The following CNBD1 variants were observed in gnomAD, a reference collection of about 807,000 sequenced individuals.
The protein encoded by CNBD1 is cyclic nucleotide-binding domain-containing protein 1.
In CNBD1, 71 loss-of-function variants were observed where a neutral mutation model predicts 54.4. That is an observed-to-expected ratio of 1.30 (90% CI 1.08 to 1.59). The LOEUF is 1.59. CNBD1 is among the 40% of genes most tolerant of loss of function. CNBD1 has a pLI of 0.00. For synonymous variants in CNBD1, 182 were observed against 170.7 expected (o/e 1.07, Z -0.51); for missense variants, 659 against 518.0 (o/e 1.27, Z -2.64).
chr8:87,302,742 A>G lies in CNBD1; in HGVS notation c.1042+16071A>G, dbSNP rs1353416644. 7.6e-4 allele frequency among the ~76,000 whole-genome samples: 116 copies of G among 151,724 alleles called. 1 individual carries two copies. Among genetic ancestry groups the G allele is most frequent in the African/African-American group, 2.7e-3 (111 of 41,472 alleles). The stretch of plus-strand genomic sequence containing the variant: ...GATTGTATATTTAGAAAACCCCATC[A>G]TCTCAGCCCAAAATCTCCTTAAGCT... On this transcript the variant is annotated intron_variant, in intron 8 of 10. Coordinates refer to ENST00000518476, the MANE Select transcript of CNBD1 (RefSeq NM_173538.3).
intron 6 of CNBD1, among the ~76,000 whole-genome samples, chr8:87,277,970 A>C (rs1228354975): frequency 1.3e-5 from 2 of 151,692 alleles, no homozygotes; most frequent in East Asian, 3.9e-4. Flanking sequence ...CATATCTGAC[A>C]ATGAAAGAAA....
At chr8:87,394,337 A>T (rs1811371409) in intron 2 of CNBD1, among the ~76,000 whole-genome samples, 1 of 151,944 alleles carries the variant, frequency 6.6e-6, no homozygotes, top group Non-Finnish European at 1.5e-5. Context: ...GAAGCAGAAT[A>T]GTTCAACTTC....
At chr8:87,392,380 A>G (rs566288922) in intron 2 of CNBD1, among the ~76,000 whole-genome samples, 22 of 152,054 alleles carry the variant, frequency 1.4e-4, no homozygotes, top group Admixed American at 9.2e-4. Flanking sequence ...AGCATTATTC[A>G]TAATAGCCAA....
At chr8:86,926,260 A>T (rs1809358867) in intron 3 of CNBD1, among the ~76,000 whole-genome samples, 1 of 152,092 alleles carries the variant, frequency 6.6e-6, no homozygotes, top group Non-Finnish European at 1.5e-5. Flanking sequence ...TGCTCTAGCT[A>T]CTTCCTGCTG....
intron 4 of CNBD1, among the ~76,000 whole-genome samples, chr8:87,142,178 G>A (rs1413124919): frequency 6.6e-6 from 1 of 152,124 alleles, no homozygotes; most frequent in Admixed American, 6.6e-5. Flanking sequence ...TGAAAAGAAG[G>A]TTGTGTTTGG....
At chr8:86,882,374 C>T (rs548418080) in intron 1 of CNBD1, among the ~76,000 whole-genome samples, 2 of 152,228 alleles carry the variant, frequency 1.3e-5, no homozygotes, top group East Asian at 1.9e-4. Flanking sequence ...CATGAACAGA[C>T]ATTTCTCAAA....
intron 5 of CNBD1, among the ~76,000 whole-genome samples, chr8:87,225,834 C>T (rs965762960): frequency 6.8e-6 from 1 of 146,066 alleles, no homozygotes; most frequent in Admixed American, 6.7e-5. Flanking sequence ...CCTCCTTGTA[C>T]CTCTGGTAGA....
intron 6 of CNBD1, among the ~76,000 whole-genome samples, chr8:87,270,103 A>C (rs975623858): frequency 1.3e-5 from 2 of 152,054 alleles, no homozygotes; most frequent in African/African-American, 4.8e-5. Context: ...GACTATCTCA[A>C]CATACACAAA....
intron 4 of CNBD1, among the ~76,000 whole-genome samples, chr8:87,159,371 C>T (rs548882456): frequency 6.6e-6 from 1 of 152,054 alleles, no homozygotes; most frequent in Admixed American, 6.6e-5. Context: ...GGGGCTGATT[C>T]AGATATTCTT....
intron 4 of CNBD1, among the ~76,000 whole-genome samples, chr8:87,071,321 A>G (rs1388656579): frequency 1.3e-5 from 2 of 152,122 alleles, no homozygotes; most frequent in Non-Finnish European, 2.9e-5. Context: ...ACATGTGGCA[A>G]TGGAGCCTCA....
intron 4 of CNBD1, among the ~76,000 whole-genome samples, chr8:87,018,627 CTT>C (rs1395059482): frequency 6.6e-6 from 1 of 152,102 alleles, no homozygotes; most frequent in Non-Finnish European, 1.5e-5. Flanking sequence ...TTATTTATCT[CTT>C]TTTGTTTTAC....
chr8:87,384,767 G>T (rs555718324), downstream of CNBD1, among the ~76,000 whole-genome samples: 176 of 152,200 alleles, frequency 1.2e-3, 1 homozygote, highest in Non-Finnish European at 1.8e-3. Flanking sequence ...TGAAGGAAGT[G>T]AAAGGTCAAT....
chr8:87,427,897 T>A (rs1277458568), intron 2 of CNBD1, among the ~76,000 whole-genome samples: 7 of 152,148 alleles, frequency 4.6e-5, no homozygotes, highest in African/African-American at 1.7e-4. Context: ...TTGGCCATCC[T>A]AGGTTGTTTT....
chr8:87,248,206 T>C (rs1807845805), intron 6 of CNBD1, among the ~76,000 whole-genome samples: 1 of 152,210 alleles, frequency 6.6e-6, no homozygotes, highest in Admixed American at 6.5e-5. Context: ...TTGTGTACCA[T>C]GGTGACTCAT....
intron 3 of CNBD1, among the ~76,000 whole-genome samples, chr8:86,930,727 C>T (rs1281980622): frequency 2.0e-5 from 3 of 152,208 alleles, no homozygotes; most frequent in African/African-American, 7.2e-5. Context: ...AGATTTTGCA[C>T]TAGTCTCCAT....
intron 10 of CNBD1, among the ~76,000 whole-genome samples, chr8:87,379,320 A>G (rs1811024064): frequency 6.6e-6 from 1 of 151,932 alleles, no homozygotes; most frequent in Non-Finnish European, 1.5e-5. Context: ...TAGACAGATC[A>G]ACGAGACAGA....
intron 4 of CNBD1, among the ~76,000 whole-genome samples, chr8:87,111,948 C>A (rs1399776716): frequency 6.6e-6 from 1 of 152,178 alleles, no homozygotes. Context: ...TTATCTCCTA[C>A]CTACAGAGCA....
intron 8 of CNBD1, among the ~76,000 whole-genome samples, chr8:87,338,534 T>G (rs1269174735): frequency 6.6e-6 from 1 of 152,062 alleles, no homozygotes; most frequent in Non-Finnish European, 1.5e-5. Flanking sequence ...CCTCTTCTTG[T>G]ATGCATGATT....
chr8:87,083,893 AATGT>A (rs1811047795), intron 4 of CNBD1, among the ~76,000 whole-genome samples: 1 of 151,952 alleles, frequency 6.6e-6, no homozygotes. Flanking sequence ...TGGCCAAACC[AATGT>A]ATTTCTTAAG....
Sources: gnomAD v4.1 joint callset for allele counts (sites outside exome capture counted in the v4.1 genomes callset) on GRCh38, gnomAD v4.1.1 for gene constraint, MANE v1.5 for transcripts, NCBI Gene and HGNC (gene_info 2026-07-23, HGNC 2026-07-21) for gene names.